RNF130: variants seen among roughly 807,000 people sequenced by gnomAD.
The protein encoded by RNF130 is E3 ubiquitin-protein ligase RNF130.
A neutral mutation model predicts 44.6 loss-of-function variants in RNF130; 21 were observed. The observed-to-expected ratio is 0.47, with a 90% CI of 0.33 to 0.68. The LOEUF is 0.68. Among genes scored for constraint, RNF130 ranks in the 30% least tolerant of loss-of-function variants. RNF130 has a pLI of 0.02. For missense variants in RNF130, 479 were observed against 560.6 expected, an observed-to-expected ratio of 0.85 and a Z score of 1.47; for synonymous variants, 214 against 210.4, an observed-to-expected ratio of 1.02 and a Z score of -0.15.
chr5:179,923,810 C>T (rs1761666431), intron 7 of RNF130, among the ~76,000 whole-genome samples: 1 of 152,184 alleles, frequency 6.6e-6, no homozygotes, highest in African/African-American at 2.4e-5. Flanking sequence ...AATTTAGTTT[C>T]CCTAAAGTTT....
intron 3 of RNF130, among the ~76,000 whole-genome samples, chr5:180,001,343 G>A (rs892044631): frequency 3.9e-5 from 6 of 152,132 alleles, no homozygotes; most frequent in Admixed American, 3.9e-4. Context: ...CCAGGAGCAG[G>A]TGCTCAGAAT....
chr5:179,950,462 C>A (rs535632961), downstream of RNF130, among the ~76,000 whole-genome samples: 24 of 152,188 alleles, frequency 1.6e-4, no homozygotes, highest in Admixed American at 5.2e-4. Context: ...GTTTTAGGAA[C>A]AAAAATACAT....
chr5:179,960,511 CCCTTGTGGGGATCCT>C (rs1335066976), intron 8 of RNF130, among the ~76,000 whole-genome samples: 1 of 152,166 alleles, frequency 6.6e-6, no homozygotes, highest in Non-Finnish European at 1.5e-5. Flanking sequence ...GGGCTTGCAC[CCCTTGTGGGGATCCT>C]CCTTGTGTAG....
chr5:179,982,912 AT>A (rs1762870066), intron 3 of RNF130, among the ~76,000 whole-genome samples: 1 of 152,042 alleles, frequency 6.6e-6, no homozygotes, highest in South Asian at 2.1e-4. Context: ...GCATTTCCCT[AT>A]TGTAATGATG....
chr5:179,952,271 A>G (rs1313031824), downstream of RNF130, among the ~76,000 whole-genome samples: 2 of 152,148 alleles, frequency 1.3e-5, no homozygotes. Context: ...TCAATAAAAC[A>G]AAAAAGGATA....
At chr5:179,973,538 C>T (rs960251900) in intron 5 of RNF130, among the ~76,000 whole-genome samples, 1 of 152,206 alleles carries the variant, frequency 6.6e-6, no homozygotes, top group Non-Finnish European at 1.5e-5. Context: ...CTGGAGCAGT[C>T]AATGCAACAC....
intron 5 of RNF130, among the ~76,000 whole-genome samples, chr5:179,972,131 G>C (rs1235098215): frequency 6.6e-6 from 1 of 152,174 alleles, no homozygotes; most frequent in African/African-American, 2.4e-5. Context: ...GCCTCTGTGT[G>C]TGGAGTGGTT....
chr5:180,045,269 C>T (rs936374852), intron 1 of RNF130, among the ~76,000 whole-genome samples: 2 of 152,158 alleles, frequency 1.3e-5, no homozygotes, highest in Admixed American at 6.5e-5. Context: ...CCACTGTGTT[C>T]GGAATTCGTG....
At chr5:180,069,213 C>G (rs1765186889) in intron 1 of RNF130, among the ~76,000 whole-genome samples, 1 of 152,150 alleles carries the variant, frequency 6.6e-6, no homozygotes. Flanking sequence ...ACAAAGATCC[C>G]AGCAGAAGCT....
intron 5 of RNF130, among the ~76,000 whole-genome samples, chr5:179,975,055 C>T (rs560481841): frequency 6.6e-6 from 1 of 152,120 alleles, no homozygotes; most frequent in Non-Finnish European, 1.5e-5. Context: ...GCCAGCCAGG[C>T]GGGGAGGCTC....
At position 180,022,718 on chromosome 5, in the gene RNF130, C is replaced by T. The variant is rs546627760; in HGVS notation, c.443-9407G>A. Among the ~76,000 whole-genome samples, 201 of 152,332 alleles carry T rather than the reference C, an allele frequency of 1.3e-3. 1 individual carries two copies. The highest frequency in any genetic ancestry group is 2.4e-3 in the Non-Finnish European group (162 of 68,028). On this transcript the variant is annotated intron_variant, in intron 2 of 8. Coordinates refer to ENST00000521389, the MANE Select transcript of RNF130 (RefSeq NM_018434.6). ...CCACTTAAGCCACGTCTCCACAAACCTTTGCTATACTAGTTTTAAACAACC... is the reference window on the plus strand; with the variant it reads ...CCACTTAAGCCACGTCTCCACAAACTTTTGCTATACTAGTTTTAAACAACC...
chr5:180,001,276 A>AT (rs1261999900), intron 3 of RNF130, among the ~76,000 whole-genome samples: 1 of 152,100 alleles, frequency 6.6e-6, no homozygotes, highest in Non-Finnish European at 1.5e-5. Context: ...AGCCAAAGTG[A>AT]TCCCTCTTGG....
At chr5:180,017,565 T>G (rs1444151645) in intron 2 of RNF130, among the ~76,000 whole-genome samples, 1 of 152,224 alleles carries the variant, frequency 6.6e-6, no homozygotes, top group African/African-American at 2.4e-5. Flanking sequence ...TCTTCTACAT[T>G]TTGTAAACTG....
At chr5:179,984,567 T>G (rs1762912492) in intron 3 of RNF130, among the ~76,000 whole-genome samples, 1 of 152,190 alleles carries the variant, frequency 6.6e-6, no homozygotes, top group Admixed American at 6.5e-5. Context: ...TTTTGAATGT[T>G]AAATGAAACT....
intron 1 of RNF130, among the ~76,000 whole-genome samples, chr5:180,056,369 G>A (rs768684090): frequency 6.6e-5 from 10 of 152,134 alleles, no homozygotes; most frequent in Non-Finnish European, 1.3e-4. Flanking sequence ...ATAGAGAATG[G>A]GCTAGAAGGG....
chr5:179,913,454 A>T (rs1761497237), exon 8 of RNF130: 1 of 152,160 alleles, frequency 6.6e-6, no homozygotes, highest in South Asian at 2.1e-4. Context: ...GTGGAAAAGG[A>T]AGGAAAACCC....
At chr5:180,070,505 A>C (rs1765226999) in intron 1 of RNF130, among the ~76,000 whole-genome samples, 1 of 152,224 alleles carries the variant, frequency 6.6e-6, no homozygotes, top group Non-Finnish European at 1.5e-5. Context: ...GCAAATCATG[A>C]CTTTATTTAG....
chr5:179,924,087 G>A (rs530794245), intron 7 of RNF130, among the ~76,000 whole-genome samples: 1 of 152,312 alleles, frequency 6.6e-6, no homozygotes, highest in East Asian at 1.9e-4. Context: ...GTCAGTATCT[G>A]TAATCCCAGC....
chr5:180,040,365 C>A, intron 2 of RNF130, 88 bp downstream of exon 2: 1 of 1,222,106 alleles, frequency 8.2e-7, no homozygotes, highest in Non-Finnish European at 1.2e-6. Context: ...TTGGAAATTA[C>A]ATGGCTTCAG....
Sources: allele counts gnomAD v4.1 joint callset (sites outside exome capture counted in the v4.1 genomes callset), GRCh38; gene constraint gnomAD v4.1.1; transcripts MANE v1.5; gene names NCBI Gene and HGNC (gene_info 2026-07-23, HGNC 2026-07-21).